UROS: variants seen among roughly 807,000 people sequenced by gnomAD.
The protein encoded by UROS is uroporphyrinogen III synthase.
In UROS, 18 loss-of-function variants were observed where a neutral mutation model predicts 33.0. The observed-to-expected ratio is 0.55, with a 90% CI of 0.38 to 0.81. UROS has a LOEUF of 0.81. UROS is among the 30% of genes least tolerant of loss of function. UROS has a pLI of 0.00. For missense variants in UROS, 293 were observed against 314.9 expected (o/e 0.93, Z 0.53); for synonymous variants, 114 against 121.1 (o/e 0.94, Z 0.38).
At chr10:125,811,365 T>C (rs901214275) in intron 5 of UROS, among the ~76,000 whole-genome samples, 1 of 152,204 alleles carries the variant, frequency 6.6e-6, no homozygotes, top group Non-Finnish European at 1.5e-5. Context: ...AGCAAATTCT[T>C]AACTTATTTT....
At chr10:125,801,560 G>A (rs1209291998) in intron 6 of UROS, among the ~76,000 whole-genome samples, 2 of 152,192 alleles carry the variant, frequency 1.3e-5, no homozygotes, top group African/African-American at 4.8e-5. Flanking sequence ...TACTGAGAAA[G>A]AAAAATCATT....
At chr10:125,802,348 T>C in intron 6 of UROS, 3 of 985,882 alleles carry the variant, frequency 3.0e-6, no homozygotes, top group Non-Finnish European at 3.6e-6. Context: ...CCTGCAGCTA[T>C]TTCAACACCT....
At chr10:125,802,383 C>T in intron 6 of UROS, 2 of 985,804 alleles carry the variant, frequency 2.0e-6, no homozygotes, top group Non-Finnish European at 2.4e-6. Flanking sequence ...GAGTCACTGC[C>T]TGTCTAGGCT....
chr10:125,815,016 C>T lies in UROS; in HGVS notation c.244+18G>A, dbSNP rs1272327330. On this transcript the variant is annotated intron_variant, in intron 4 of 9. Transcript: ENST00000368797. ...GTAAATAAATGTCCAGTGGAATCCA[C>T]AGCAGACCCACCCTCACCTTCAGTT... The T allele has an allele frequency of 6.2e-7, 1 of 1,613,510 alleles. No individual in the cohort carries two copies. Among genetic ancestry groups the T allele is most frequent in the African/African-American group, 1.3e-5 (1 of 74,902 alleles).
intron 7 of UROS, chr10:125,796,650 G>T: frequency 2.0e-6 from 1 of 491,706 alleles, no homozygotes; most frequent in Non-Finnish European, 2.6e-6. Context: ...CCCCTCTCTG[G>T]GCCTCAGTGT....
intron 3 of UROS, 37 bp from the exon 4 acceptor site, chr10:125,815,167 T>A: frequency 2.5e-6 from 4 of 1,607,322 alleles, no homozygotes; most frequent in Non-Finnish European, 3.4e-6. Context: ...TTTTATACGA[T>A]GGCTATGTTC....
At chr10:125,786,149 A>C (rs1181487049), downstream of UROS, among the ~76,000 whole-genome samples, 1 of 152,170 alleles carries the variant, frequency 6.6e-6, no homozygotes, top group African/African-American at 2.4e-5. Flanking sequence ...GGCACCTAGA[A>C]CATCTACGAA....
intron 1 of UROS, among the ~76,000 whole-genome samples, chr10:125,822,218 C>A (rs759650528): frequency 1.3e-5 from 2 of 152,198 alleles, no homozygotes; most frequent in Non-Finnish European, 2.9e-5. Flanking sequence ...CCACCTGCCA[C>A]AGGGGCTGGC....
At chr10:125,805,984 C>T (rs1397074297) in intron 6 of UROS, among the ~76,000 whole-genome samples, 1 of 152,186 alleles carries the variant, frequency 6.6e-6, no homozygotes, top group African/African-American at 2.4e-5. Flanking sequence ...CTCACTGCCG[C>T]CCCCAACCCA....
At position 125,823,245 on chromosome 10, in the gene UROS, G is replaced by C. The variant is rs1854178602; in HGVS notation, c.-243C>G. ...CGCGTGGGTGGCTGCGCGCAGCTAG[G>C]CGCTCGCGCATGCGCACCGCCATCC... On this transcript the variant is annotated 5_prime_UTR_variant, in exon 1 of 10. Coordinates refer to ENST00000368797, the MANE Select transcript of UROS (RefSeq NM_000375.3). 2 of 268,818 alleles carry C rather than the reference G, an allele frequency of 7.4e-6. No individual in the cohort carries two copies. The highest frequency in any genetic ancestry group is 1.6e-4 in the South Asian group (2 of 12,358). The allele number at this position is 268,818 out of a possible 1,614,324, so 16.7% of individuals were successfully genotyped here. A position where few individuals can be genotyped will look rare whatever the true frequency, so the allele number is the denominator to read the frequency against.
At chr10:125,820,570 G>A (rs1021365655) in intron 1 of UROS, among the ~76,000 whole-genome samples, 5 of 152,140 alleles carry the variant, frequency 3.3e-5, no homozygotes, top group African/African-American at 1.2e-4. Flanking sequence ...CCAGATATCT[G>A]GGCATCCGTG....
intron 9 of UROS, among the ~76,000 whole-genome samples, chr10:125,790,278 A>C (rs902094252): frequency 7.9e-5 from 12 of 152,202 alleles, no homozygotes; most frequent in African/African-American, 2.9e-4. Context: ...AAATCAATTC[A>C]AAACAGATCA....
Position 125,788,611 on chromosome 10 carries a change from G to A in UROS, c.*257C>T. 2 of 1,398,448 alleles carry A rather than the reference G, an allele frequency of 1.4e-6. No homozygotes were observed. Among genetic ancestry groups the A allele is most frequent in the Non-Finnish European group, 1.9e-6 (2 of 1,078,546 alleles). The allele number at this position is 1,398,448 out of a possible 1,614,324, so 86.6% of individuals were successfully genotyped here. On this transcript the variant is annotated 3_prime_UTR_variant, in exon 10 of 10. Transcript: ENST00000368797. ...CACAGGTAGTCAGTGTGGTTTATTT[G>A]ACTTCCTTCCTGCTGGGCACAGGAA...
chr10:125,795,075 C>A, intron 8 of UROS, 97 bp from the exon 9 acceptor site: 3 of 1,210,434 alleles, frequency 2.5e-6, no homozygotes. Flanking sequence ...AAGCCACAGG[C>A]CACCAAGGCG....
chr10:125,791,360 A>C (rs1416911972), intron 9 of UROS, among the ~76,000 whole-genome samples: 1 of 152,196 alleles, frequency 6.6e-6, no homozygotes, highest in African/African-American at 2.4e-5. Context: ...GGATATGGAG[A>C]AACTGGAACC....
chr10:125,817,497 C>T (rs986260651), intron 1 of UROS, among the ~76,000 whole-genome samples: 4 of 151,866 alleles, frequency 2.6e-5, no homozygotes, highest in African/African-American at 9.7e-5. Context: ...GGCCAACGGA[C>T]CTGAGCTCTG....
downstream of UROS, among the ~76,000 whole-genome samples, chr10:125,787,148 G>T (rs545795704): frequency 3.9e-4 from 59 of 152,324 alleles, no homozygotes; most frequent in Admixed American, 6.5e-4. Flanking sequence ...GGGTTGTGTG[G>T]GGATGAAAGG....
chr10:125,812,576 T>G (rs1045920028), intron 4 of UROS, among the ~76,000 whole-genome samples: 4 of 152,188 alleles, frequency 2.6e-5, no homozygotes, highest in Admixed American at 2.6e-4. Context: ...GAAATCAACA[T>G]AACTTGAAGA....
rs535656809 is a variant in UROS at position 125,812,326 on chromosome 10, A to G, written c.245-38T>C. 2.7e-4 allele frequency: 437 copies of G among 1,597,174 alleles called. 16 individuals carry two copies. The South Asian group carries it at 4.6e-3, about 17-fold the overall frequency. The stretch of plus-strand genomic sequence containing the variant: ...AAATGATATGTGAATTGCAAATACC[A>G]AAGTGGCCATTTGGACTGTTGCCCA... On this transcript the variant is annotated intron_variant, in intron 4 of 9. Coordinates refer to ENST00000368797, the MANE Select transcript of UROS (RefSeq NM_000375.3).
Sources: allele counts gnomAD v4.1 joint callset (sites outside exome capture counted in the v4.1 genomes callset), GRCh38; gene constraint gnomAD v4.1.1; transcripts MANE v1.5; gene names NCBI Gene and HGNC (gene_info 2026-07-23, HGNC 2026-07-21).